Variants in PTPN14 observed in about 807,000 individuals in gnomAD.
PTPN14 encodes protein tyrosine phosphatase non-receptor type 14, also known as tyrosine-protein phosphatase non-receptor type 14.
PTPN14 carries 53 observed loss-of-function variants against 126.8 expected under a neutral mutation model. The observed-to-expected ratio is 0.42, with a 90% CI of 0.34 to 0.53. The LOEUF (loss-of-function observed/expected upper bound fraction) is 0.53, where lower values mean the gene tolerates loss of function less well. Among genes scored for constraint, PTPN14 ranks in the 20% least tolerant of loss-of-function variants. PTPN14 has a pLI of 0.08. For synonymous variants in PTPN14, 630 were observed against 599.3 expected (o/e 1.05, Z -0.75); for missense variants, 1,257 against 1,552.9 (o/e 0.81, Z 3.20).
intron 1 of PTPN14, chr1:214,528,155 A>G (rs963746714): frequency 3.3e-5 from 5 of 152,258 alleles, no homozygotes; most frequent in Admixed American, 6.5e-5. Flanking sequence ...AATCCTTGGA[A>G]GAGAAGTTTT....
chr1:214,508,542 A>G lies in PTPN14; in HGVS notation c.-155+42641T>C, dbSNP rs984976112. On this transcript the variant is annotated intron_variant, in intron 1 of 18. Coordinates refer to ENST00000366956, the MANE Select transcript of PTPN14 (RefSeq NM_005401.5). ...CACCTCTGCAGTTACTTCCTCTGCT[A>G]AAGTTTGAACCCCTCAAAATCATTC... 4.6e-5 allele frequency among the ~76,000 whole-genome samples: 7 copies of G among 152,146 alleles called. 1 individual carries two copies. In the South Asian group the frequency reaches 1.0e-3, roughly 23 times the overall value.
intron 8 of PTPN14, among the ~76,000 whole-genome samples, chr1:214,397,305 T>C (rs1209458777): frequency 1.3e-5 from 2 of 152,070 alleles, no homozygotes; most frequent in Non-Finnish European, 2.9e-5. Flanking sequence ...CCCTTGTAAA[T>C]GAAAGCTAGA....
chr1:214,537,797 T>TG (rs1335095462), intron 1 of PTPN14, among the ~76,000 whole-genome samples: 1 of 152,242 alleles, frequency 6.6e-6, no homozygotes, highest in East Asian at 1.9e-4. Flanking sequence ...ATGACGGTGC[T>TG]GTCCAAAAGA....
At chr1:214,544,666 G>A (rs186640739) in intron 1 of PTPN14, among the ~76,000 whole-genome samples, 97 of 151,760 alleles carry the variant, frequency 6.4e-4, no homozygotes, top group African/African-American at 2.2e-3. Flanking sequence ...TAGGAGAATC[G>A]CTTGAACCTG....
intron 16 of PTPN14, 107 bp from the exon 17 acceptor site, chr1:214,369,798 T>C (rs1343363230): frequency 1.1e-6 from 1 of 946,320 alleles, no homozygotes; most frequent in African/African-American, 1.6e-5. Context: ...TCTAAATCGC[T>C]AGTTCAGTAG....
intron 18 of PTPN14, 152 bp from the exon 19 acceptor site, chr1:214,358,202 A>T: frequency 2.5e-6 from 2 of 801,218 alleles, no homozygotes; most frequent in African/African-American, 1.7e-5. Context: ...TTTATGCATC[A>T]AACAGTTTAT....
intron 13 of PTPN14, among the ~76,000 whole-genome samples, chr1:214,381,044 A>C (rs986792801): frequency 6.6e-6 from 1 of 152,178 alleles, no homozygotes; most frequent in Admixed American, 6.5e-5. Context: ...AATGGCTAAA[A>C]TTTGCTAGTC....
At chr1:214,389,464 G>A (rs926896804) in intron 11 of PTPN14, among the ~76,000 whole-genome samples, 1 of 152,188 alleles carries the variant, frequency 6.6e-6, no homozygotes, top group Admixed American at 6.5e-5. Flanking sequence ...ACAGAAGAGG[G>A]CAGGTGAAAA....
At chr1:214,368,596 G>C (rs1658140626) in intron 17 of PTPN14, among the ~76,000 whole-genome samples, 2 of 152,150 alleles carry the variant, frequency 1.3e-5, no homozygotes, top group South Asian at 4.1e-4. Flanking sequence ...ACACAGTTCA[G>C]TGGCATTAAG....
chr1:214,472,727 A>G (rs1157283479), intron 1 of PTPN14, among the ~76,000 whole-genome samples: 1 of 152,228 alleles, frequency 6.6e-6, no homozygotes, highest in Non-Finnish European at 1.5e-5. Context: ...CCACTGACTC[A>G]TGCTTTTTCA....
At chr1:214,429,404 T>C (rs1421969205) in intron 3 of PTPN14, among the ~76,000 whole-genome samples, 1 of 152,208 alleles carries the variant, frequency 6.6e-6, no homozygotes, top group Non-Finnish European at 1.5e-5. Flanking sequence ...AGAATACAAT[T>C]TGGTAGCTGA....
chr1:214,462,079 A>G (rs1367016952), intron 2 of PTPN14, among the ~76,000 whole-genome samples: 2 of 152,168 alleles, frequency 1.3e-5, no homozygotes, highest in East Asian at 3.9e-4. Context: ...CCAAAAGGGC[A>G]CAACTTCAAT....
At chr1:214,539,773 G>A (rs553081202) in intron 1 of PTPN14, among the ~76,000 whole-genome samples, 2 of 152,188 alleles carry the variant, frequency 1.3e-5, no homozygotes, top group South Asian at 4.2e-4. Flanking sequence ...GCATATTCAC[G>A]GGCAAAGCTA....
chr1:214,540,562 C>G (rs997457978), intron 1 of PTPN14, among the ~76,000 whole-genome samples: 1 of 152,118 alleles, frequency 6.6e-6, no homozygotes, highest in Non-Finnish European at 1.5e-5. Flanking sequence ...TTCTCCACCC[C>G]AGAGCAAGCA....
chr1:214,405,306 TAC>T (rs1237359758), intron 5 of PTPN14, among the ~76,000 whole-genome samples: 1 of 152,214 alleles, frequency 6.6e-6, no homozygotes, highest in South Asian at 2.1e-4. Context: ...CTGCATTTCT[TAC>T]ACAGTTATGT....
intron 18 of PTPN14, among the ~76,000 whole-genome samples, chr1:214,363,768 C>T (rs1354666971): frequency 2.6e-5 from 4 of 152,190 alleles, no homozygotes; most frequent in African/African-American, 7.2e-5. Context: ...CCCCTTAAAA[C>T]TTCTAATGTC....
chr1:214,414,265 T>C (rs762319365), intron 4 of PTPN14, among the ~76,000 whole-genome samples: 7 of 152,256 alleles, frequency 4.6e-5, no homozygotes, highest in African/African-American at 9.6e-5. Flanking sequence ...GAAGTTGTGA[T>C]AGTAACACCT....
At chr1:214,393,057 G>A (rs1658795001) in intron 10 of PTPN14, among the ~76,000 whole-genome samples, 1 of 152,206 alleles carries the variant, frequency 6.6e-6, no homozygotes, top group Admixed American at 6.5e-5. Context: ...CAACGATAGA[G>A]TGAGCCCCAG....
At chr1:214,369,236 T>C (rs1478254076) in intron 17 of PTPN14, among the ~76,000 whole-genome samples, 13 of 152,226 alleles carry the variant, frequency 8.5e-5, no homozygotes, top group Admixed American at 8.5e-4. Context: ...AATATGTTGA[T>C]CACAGTCTTA....
Sources: allele counts gnomAD v4.1 joint callset (sites outside exome capture counted in the v4.1 genomes callset), GRCh38; gene constraint gnomAD v4.1.1; transcripts MANE v1.5; gene names NCBI Gene and HGNC (gene_info 2026-07-23, HGNC 2026-07-21).